The following TRIP12 variants were observed in gnomAD, a reference collection of about 807,000 sequenced individuals.
The protein encoded by TRIP12 is thyroid hormone receptor interactor 12.
Under a neutral mutation model 244.2 loss-of-function variants are expected in TRIP12, and 25 were observed. That is an observed-to-expected ratio of 0.10 (90% confidence interval 0.07 to 0.14). The LOEUF (loss-of-function observed/expected upper bound fraction) is 0.14. Among genes scored for constraint, TRIP12 ranks in the 10% least tolerant of loss-of-function variants. The probability of loss-of-function intolerance (pLI) is 1.00; values close to 1 mark genes in which losing one functional copy is unlikely to be tolerated. For missense variants in TRIP12, 1,677 were observed against 2,486.4 expected (o/e 0.67, Z 6.92); for synonymous variants, 905 against 873.1 (o/e 1.04, Z -0.64).
chr2:229,784,307 C>T (rs934170082), intron 34 of TRIP12, among the ~76,000 whole-genome samples: 12 of 151,088 alleles, frequency 7.9e-5, no homozygotes, highest in African/African-American at 2.7e-4. Context: ...AAAGAACGGT[C>T]TTTTCAGCAG....
chr2:229,799,198 G>A (rs1423325294), intron 22 of TRIP12, 85 bp downstream of exon 22: 1 of 1,529,150 alleles, frequency 6.5e-7, no homozygotes, highest in East Asian at 2.3e-5. Flanking sequence ...TACTTCAAGA[G>A]CTACTGGCAG....
chr2:229,807,814 A>T lies in TRIP12; in HGVS notation c.2390T>A (p.Met797Lys), dbSNP rs762135828. The T allele has an allele frequency of 6.2e-7, 1 of 1,614,170 alleles. No homozygotes were observed. The highest frequency in any genetic ancestry group is 8.5e-7 in the Non-Finnish European group (1 of 1,180,024). Residue 797 changes from methionine to lysine, a missense_variant, in exon 17 of 42, where the codon ATG becomes AAG. This residue lies in a region of TRIP12 where 572 missense variants were observed against 867.8 expected (regional missense o/e 0.66). Coordinates refer to ENST00000675903, the MANE Select transcript of TRIP12 (RefSeq NM_001348323.3). The part of the protein sequence containing the change: ...PKEGIFAVDT[M>K]LKKGNAQNTD... ...GTTCTGTGCATTTCCCTTCTTCAAC[A>T]TGGTATCAACTGCAAAAATGCCTTC...
intron 1 of TRIP12, among the ~76,000 whole-genome samples, chr2:229,913,514 T>C (rs1252029116): frequency 1.3e-5 from 2 of 152,232 alleles, no homozygotes; most frequent in African/African-American, 4.8e-5. Flanking sequence ...CATCTCCAAA[T>C]GCTAAATTTG....
intron 8 of TRIP12, among the ~76,000 whole-genome samples, chr2:229,819,879 T>G (rs547433623): frequency 2.0e-5 from 3 of 152,204 alleles, no homozygotes; most frequent in South Asian, 2.1e-4. Flanking sequence ...CAGGGGCACA[T>G]AGCAATCAAT....
intron 4 of TRIP12, among the ~76,000 whole-genome samples, chr2:229,851,546 C>A (rs1199153128): frequency 6.6e-6 from 1 of 152,152 alleles, no homozygotes; most frequent in Non-Finnish European, 1.5e-5. Flanking sequence ...TGGCAACCCG[C>A]TCGGGTCCCC....
chr2:229,819,757 T>C (rs1212608134), intron 8 of TRIP12, among the ~76,000 whole-genome samples: 1 of 152,152 alleles, frequency 6.6e-6, no homozygotes, highest in East Asian at 1.9e-4. Context: ...CTGAAATGTG[T>C]AGAAATGGGA....
chr2:229,870,637 G>A (rs1001846359), intron 2 of TRIP12, among the ~76,000 whole-genome samples: 2 of 152,122 alleles, frequency 1.3e-5, no homozygotes, highest in East Asian at 1.9e-4. Flanking sequence ...AAAGGAAAAT[G>A]GCATGATCAA....
chr2:229,883,457 A>G (rs979800939), intron 1 of TRIP12, among the ~76,000 whole-genome samples: 2 of 152,244 alleles, frequency 1.3e-5, no homozygotes, highest in African/African-American at 4.8e-5. Context: ...TTATGTTTTC[A>G]TAGCCGGTAG....
At chr2:229,793,360 C>A in intron 26 of TRIP12, 1 of 380,884 alleles carries the variant, frequency 2.6e-6, no homozygotes, top group South Asian at 5.6e-5. Flanking sequence ...TGTATGCATG[C>A]ATATGAAAAC....
chr2:229,788,787 G>A lies in TRIP12; in HGVS notation c.4838+11C>T, dbSNP rs2040713382. 1 of 1,610,560 alleles carries A rather than the reference G, an allele frequency of 6.2e-7. No individual in the cohort carries two copies. The highest frequency in any genetic ancestry group is 8.5e-7 in the Non-Finnish European group (1 of 1,179,106). On this transcript the variant is annotated intron_variant, in intron 32 of 41. Transcript: ENST00000675903. ...TTTCCAAGGCCACCATTACAGAAGT[G>A]ATTGTCTTACCAGGTTTTTCCTAGC...
chr2:229,882,863 C>T (rs554849514), intron 1 of TRIP12, among the ~76,000 whole-genome samples: 1 of 152,248 alleles, frequency 6.6e-6, no homozygotes, highest in East Asian at 1.9e-4. Context: ...TCAACCAGCA[C>T]CATTATCAGC....
At chr2:229,840,454 C>A (rs2056115966) in intron 5 of TRIP12, among the ~76,000 whole-genome samples, 4 of 152,114 alleles carry the variant, frequency 2.6e-5, no homozygotes, top group Admixed American at 2.6e-4. Flanking sequence ...GTAATCCCAG[C>A]ACTGTGAGAG....
chr2:229,873,436 TAC>T (rs2063041532), intron 2 of TRIP12, among the ~76,000 whole-genome samples: 1 of 152,198 alleles, frequency 6.6e-6, no homozygotes, highest in Non-Finnish European at 1.5e-5. Context: ...AAATACTGTA[TAC>T]TCATTCAGTG....
chr2:229,858,879 C>T lies in TRIP12; in HGVS notation c.920G>A (p.Arg307His), dbSNP rs188117573. 1,065 of 1,614,218 alleles carry T rather than the reference C, an allele frequency of 6.6e-4. 2 individuals carry two copies. Among genetic ancestry groups the T allele is most frequent in the Non-Finnish European group, 8.0e-4 (947 of 1,180,028 alleles). ...AGGAAGGCTAACTTTAGGGCTGAAA[C>T]GAGCAGCCCAATCAAATTTTGAAGA... Reference protein sequence around the residue: ...GGSSKFDWAARFSPKVSLPKT... With the variant: ...GGSSKFDWAAHFSPKVSLPKT... Residue 307 changes from arginine (R) to histidine (H), a missense_variant, in exon 4 of 42, where the codon CGT becomes CAT. Coordinates refer to ENST00000675903, the MANE Select transcript of TRIP12 (RefSeq NM_001348323.3).
At chr2:229,839,722 G>A (rs1036152797) in intron 5 of TRIP12, among the ~76,000 whole-genome samples, 2 of 151,742 alleles carry the variant, frequency 1.3e-5, no homozygotes, top group Non-Finnish European at 2.9e-5. Flanking sequence ...ACACAAAGAC[G>A]GAGAACTCAT....
intron 1 of TRIP12, among the ~76,000 whole-genome samples, chr2:229,891,008 T>C (rs1389703865): frequency 6.6e-6 from 1 of 152,180 alleles, no homozygotes; most frequent in African/African-American, 2.4e-5. Flanking sequence ...CTGGGTGCAA[T>C]GTCTCATGCC....
In TRIP12 at chr2:229,791,148, T is replaced by G; in HGVS notation, c.4519A>C (p.Lys1507Gln). ...APTKTSPRNA[K>Q]KHDELWHDGV... ...CCGTGCCATAACTCATCATGCTTTTTTGCATTTCTAGGGGAAGTTTTCGTT... is the reference window on the plus strand; with the variant it reads ...CCGTGCCATAACTCATCATGCTTTTGTGCATTTCTAGGGGAAGTTTTCGTT... The change falls in exon 30 of 42, where the codon AAA (lysine) becomes CAA (glutamine). Residue 1507 changes from lysine (K) to glutamine (Q), a missense_variant. By Grantham distance (53) the Lys-to-Gln change is moderately conservative. Transcript: ENST00000675903. 1 of 1,614,180 alleles carries G rather than the reference T, an allele frequency of 6.2e-7. No homozygotes were observed. The highest frequency in any genetic ancestry group is 8.5e-7 in the Non-Finnish European group (1 of 1,179,994).
In TRIP12 at chr2:229,840,825, G is replaced by A; in HGVS notation, c.1130C>T (p.Thr377Ile). The change falls in exon 5 of 42, where the codon ACC (threonine) becomes ATC (isoleucine). Residue 377 changes from threonine to isoleucine, a missense_variant. Thr to Ile is a moderately conservative substitution (Grantham distance 89). Around this residue, in one of 11 missense-constraint regions of TRIP12, gnomAD observed 143 missense variants for 215.6 expected, o/e 0.66. Coordinates refer to ENST00000675903, the MANE Select transcript of TRIP12 (RefSeq NM_001348323.3). Reference protein sequence around the residue: ...RQKTTGSCASTSRRGSGLGKR... With the variant: ...RQKTTGSCASISRRGSGLGKR... ...TAAAAAAAAAAAAACAAATTACCTG[G>A]TACTAGCACAGGAGCCCGTGGTCTT... The A allele has an allele frequency of 1.3e-6, 2 of 1,581,284 alleles. No homozygotes were observed. Among genetic ancestry groups the A allele is most frequent in the Middle Eastern group, 1.7e-4 (1 of 5,902 alleles).
chr2:229,791,901 G>C lies in TRIP12; in HGVS notation c.4380C>G (p.Gly1460=), dbSNP rs1204831311. The change falls in exon 29 of 42, where the codon GGC becomes GGG. Residue 1460 remains glycine (G), a synonymous_variant. Coordinates refer to ENST00000675903, the MANE Select transcript of TRIP12 (RefSeq NM_001348323.3). ...GAGTCTTTGTCCAAATACCAGCTCT[G>C]CCTAGAGGATTGCTCTCATCATCTG... is the stretch of plus-strand genomic sequence containing the variant. ...ESTDDESNPL[G]RAGIWTKTHT... 3.1e-6 allele frequency: 5 copies of C among 1,613,952 alleles called. No individual in the cohort carries two copies. Among genetic ancestry groups the C allele is most frequent in the Non-Finnish European group, 4.2e-6 (5 of 1,179,978 alleles).
Sources: allele counts gnomAD v4.1 joint callset (sites outside exome capture counted in the v4.1 genomes callset), GRCh38; gene constraint gnomAD v4.1.1; regional missense constraint gnomAD v4.1.1; transcripts MANE v1.5; gene names NCBI Gene and HGNC (gene_info 2026-07-23, HGNC 2026-07-21).